The following NUFIP2 variants were observed in gnomAD, a reference collection of about 807,000 sequenced individuals.
NUFIP2 encodes FMR1-interacting protein NUFIP2.
A neutral mutation model predicts 56.9 loss-of-function variants in NUFIP2; 6 were observed. That is an observed-to-expected ratio of 0.11 (90% confidence interval 0.06 to 0.21). The LOEUF is 0.21. NUFIP2 is among the 10% of genes least tolerant of loss of function. NUFIP2 has a pLI of 1.00. For missense variants in NUFIP2, 828 were observed against 826.8 expected (o/e 1.00, Z -0.02); for synonymous variants, 321 against 298.2 (o/e 1.08, Z -0.79).
intron 2 of NUFIP2, among the ~76,000 whole-genome samples, chr17:29,282,178 A>G (rs2069144256): frequency 6.6e-6 from 1 of 152,124 alleles, no homozygotes; most frequent in South Asian, 2.1e-4. Flanking sequence ...CTTAATCTAA[A>G]AACTTCCTGT....
chr17:29,284,951 T>C (rs1846903789), intron 2 of NUFIP2, among the ~76,000 whole-genome samples: 3 of 152,132 alleles, frequency 2.0e-5, no homozygotes, highest in South Asian at 4.1e-4. Flanking sequence ...CTTCTACTCA[T>C]TTTAATCAAA....
At chr17:29,268,757 A>G (rs1712650) in intron 2 of NUFIP2, among the ~76,000 whole-genome samples, 96,851 of 151,668 alleles carry the variant, frequency 0.64, 31,397 homozygotes, top group East Asian at 0.87. Context: ...TTGAACTCCC[A>G]ACCTCAAGTG....
chr17:29,272,227 T>C (rs2069078700), intron 2 of NUFIP2, among the ~76,000 whole-genome samples: 1 of 151,144 alleles, frequency 6.6e-6, no homozygotes, highest in African/African-American at 2.4e-5. Context: ...AGATTTTAAA[T>C]ATGAAATGTG....
chr17:29,285,771 T>C (rs2069169519), intron 2 of NUFIP2, among the ~76,000 whole-genome samples: 1 of 152,186 alleles, frequency 6.6e-6, no homozygotes, highest in African/African-American at 2.4e-5. Context: ...TGTTTGTATT[T>C]TTAAAAATCC....
At chr17:29,266,203 G>T (rs1296044650) in intron 3 of NUFIP2, among the ~76,000 whole-genome samples, 1 of 152,120 alleles carries the variant, frequency 6.6e-6, no homozygotes, top group Non-Finnish European at 1.5e-5. Context: ...TGAACCTCAG[G>T]TGATCCACCT....
rs566710984 is a variant in NUFIP2 at position 29,281,804 on chromosome 17, G to A, written c.2002+4188C>T. Among the ~76,000 whole-genome samples the A allele has an allele frequency of 8.6e-3, 1,216 of 142,208 alleles. 17 individuals carry two copies. The highest frequency in any genetic ancestry group is 0.03 in the African/African-American group (1,131 of 37,830). 93.3% of individuals were successfully genotyped at this position (142,208 alleles called of 152,430 possible). A position where few individuals can be genotyped will look rare whatever the true frequency, so the allele number is the denominator to read the frequency against. On this transcript the variant is annotated intron_variant, in intron 2 of 3. Coordinates refer to ENST00000225388, the MANE Select transcript of NUFIP2 (RefSeq NM_020772.3). Reference sequence around the variant, plus strand: ...TTTTTAGAAGGAGCCTTGCTCTGTCGTCCAGGCTGGAGTGCAGTGGCACGA... The same window carrying A: ...TTTTTAGAAGGAGCCTTGCTCTGTCATCCAGGCTGGAGTGCAGTGGCACGA...
chr17:29,280,745 G>A (rs528653747), intron 2 of NUFIP2, among the ~76,000 whole-genome samples: 18 of 152,228 alleles, frequency 1.2e-4, no homozygotes, highest in African/African-American at 2.2e-4. Flanking sequence ...CAGCACTTTC[G>A]GAGGCGGAGG....
intron 3 of NUFIP2, 34 bp from the exon 4 acceptor site, chr17:29,264,625 T>G (rs181872571): frequency 1.5e-6 from 2 of 1,348,998 alleles, no homozygotes. Context: ...AAAAATAAGG[T>G]CTAGAATCTC....
At position 29,287,139 on chromosome 17, in the gene NUFIP2, C is replaced by T; in HGVS notation, c.855G>A (p.Gly285=). 1 of 1,614,156 alleles carries T rather than the reference C, an allele frequency of 6.2e-7. No individual in the cohort carries two copies. Among genetic ancestry groups the T allele is most frequent in the Non-Finnish European group, 8.5e-7 (1 of 1,180,030 alleles). The change falls in exon 2 of 4, where the codon GGG becomes GGA. Residue 285 remains glycine (G), a synonymous_variant. Transcript: ENST00000225388. ...GSKPIWKYET[G]PGGTSRGKPA... is the part of the protein sequence containing the mutation. ...GTTTTCCTCGACTTGTTCCTCCAGG[C>T]CCAGTTTCATACTTCCAAATGGGCT...
At chr17:29,270,238 C>T (rs774141600) in intron 2 of NUFIP2, among the ~76,000 whole-genome samples, 126 of 150,528 alleles carry the variant, frequency 8.4e-4, no homozygotes, top group Non-Finnish European at 1.7e-3. Context: ...AATCTCTGCG[C>T]AGACACCTAT....
Position 29,286,157 on chromosome 17 carries a change from C to T in NUFIP2, c.1837G>A (p.Val613Met), listed in dbSNP as rs2153012479. Residue 613 changes from valine (V) to methionine (M), a missense_variant, in exon 2 of 4, where the codon GTG becomes ATG. Val to Met is a conservative substitution (Grantham distance 21). This residue lies in a region of NUFIP2 where 404 missense variants were observed against 380.3 expected (regional missense o/e 1.06). Transcript: ENST00000225388. Reference sequence around the variant, plus strand: ...ATCTCGTAGTCCTTTGAGAGAAACACTAAAGCACCTTGACTACTGGTGTCT... The same window carrying T: ...ATCTCGTAGTCCTTTGAGAGAAACATTAAAGCACCTTGACTACTGGTGTCT... ...KADTSSQGAL[V>M]FLSKDYEIES... is the part of the protein sequence containing the mutation. The T allele has an allele frequency of 6.2e-7, 1 of 1,614,092 alleles. No individual in the cohort carries two copies. The highest frequency in any genetic ancestry group is 8.5e-7 in the Non-Finnish European group (1 of 1,179,996).
chr17:29,281,196 C>T (rs1040251723), intron 2 of NUFIP2, among the ~76,000 whole-genome samples: 12 of 152,066 alleles, frequency 7.9e-5, no homozygotes, highest in Admixed American at 7.2e-4. Flanking sequence ...TGGCTCATGC[C>T]TGTAATCCCA....
intron 2 of NUFIP2, among the ~76,000 whole-genome samples, chr17:29,271,637 C>T (rs1311498339): frequency 2.0e-5 from 3 of 152,008 alleles, no homozygotes; most frequent in African/African-American, 7.2e-5. Context: ...ATATTAATTA[C>T]TTCTTTGACT....
At position 29,286,765 on chromosome 17, in the gene NUFIP2, G is replaced by A. The variant is rs1267274267; in HGVS notation, c.1229C>T (p.Thr410Ile). 1 of 1,614,096 alleles carries A rather than the reference G, an allele frequency of 6.2e-7. No individual in the cohort carries two copies. The highest frequency in any genetic ancestry group is 1.3e-5 in the African/African-American group (1 of 75,028). The change falls in exon 2 of 4, where the codon ACT becomes ATT. Residue 410 changes from threonine to isoleucine, a missense_variant. Physicochemically the swap from Thr to Ile is moderately conservative, Grantham distance 89. Transcript: ENST00000225388. Reference protein sequence around the residue: ...QVPMSALKSVTSANFSNGPVL... With the variant: ...QVPMSALKSVISANFSNGPVL... ...AGGCCCATTAGAAAAGTTGGCAGAA[G>A]TAACAGATTTCAGCGCTGACATAGG...
rs1433226063 is a variant in NUFIP2, at chr17:29,257,179, C to T, written c.*7360G>A. ...AAGTCAAGCTCTCGTTTAAATTGAACTTTATTAAAATAGGTGCCAGTTTTC... is the reference window on the plus strand; with the variant it reads ...AAGTCAAGCTCTCGTTTAAATTGAATTTTATTAAAATAGGTGCCAGTTTTC... On this transcript the variant is annotated 3_prime_UTR_variant, in exon 4 of 4. Transcript: ENST00000225388. The T allele has an allele frequency of 6.6e-6, 1 of 152,152 alleles. No homozygotes were observed. The highest frequency in any genetic ancestry group is 2.4e-5 in the African/African-American group (1 of 41,442). The allele number at this position is 152,152 out of a possible 1,614,324, so 9.4% of individuals were successfully genotyped here.
At chr17:29,270,446 T>C (rs1371284019) in intron 2 of NUFIP2, among the ~76,000 whole-genome samples, 1 of 152,120 alleles carries the variant, frequency 6.6e-6, no homozygotes, top group African/African-American at 2.4e-5. Flanking sequence ...TGTTCTTTAT[T>C]ATCTTACGAA....
At chr17:29,274,392 GA>G (rs2069094972) in intron 2 of NUFIP2, among the ~76,000 whole-genome samples, 1 of 152,134 alleles carries the variant, frequency 6.6e-6, no homozygotes, top group African/African-American at 2.4e-5. Flanking sequence ...AGGATTGCTC[GA>G]GTCCAAGAAT....
At chr17:29,283,132 A>ACCC (rs1307922064) in intron 2 of NUFIP2, among the ~76,000 whole-genome samples, 1 of 152,234 alleles carries the variant, frequency 6.6e-6, no homozygotes, top group Non-Finnish European at 1.5e-5. Context: ...TAATACCAGC[A>ACCC]AAACTAAATA....
At chr17:29,271,853 C>T (rs1454424807) in intron 2 of NUFIP2, among the ~76,000 whole-genome samples, 3 of 151,576 alleles carry the variant, frequency 2.0e-5, no homozygotes, top group Non-Finnish European at 4.4e-5. Context: ...GGTGGATTAC[C>T]TGAGGTCAGG....
Sources: allele counts gnomAD v4.1 joint callset (sites outside exome capture counted in the v4.1 genomes callset), GRCh38; gene constraint gnomAD v4.1.1; regional missense constraint gnomAD v4.1.1; transcripts MANE v1.5; gene names NCBI Gene and HGNC (gene_info 2026-07-23, HGNC 2026-07-21).